ADGRL3: variants seen among roughly 807,000 people sequenced by gnomAD.
The protein encoded by ADGRL3 is calcium-independent alpha-latrotoxin receptor 3.
In ADGRL3, 62 loss-of-function variants were observed where a neutral mutation model predicts 153.5. That is an observed-to-expected ratio of 0.40 (90% confidence interval 0.33 to 0.50). The LOEUF is 0.50. ADGRL3 is among the 20% of genes least tolerant of loss of function. The pLI is 0.47. For missense variants in ADGRL3, 1,641 were observed against 1,859.4 expected (o/e 0.88, Z 2.16); for synonymous variants, 710 against 672.5 (o/e 1.06, Z -0.86).
intron 4 of ADGRL3, among the ~76,000 whole-genome samples, chr4:61,533,629 T>G (rs1560797007): frequency 1.3e-5 from 2 of 152,196 alleles, no homozygotes. Context: ...CATGCTTAAT[T>G]GTTTATTATG....
At chr4:61,448,846 AG>A (rs55963348) in intron 2 of ADGRL3, among the ~76,000 whole-genome samples, 7 of 9,386 alleles carry the variant, frequency 7.5e-4, no homozygotes, top group Non-Finnish European at 1.1e-3. Context: ...GAGGGAAGGA[AG>A]GGAAGGAAGG....
At chr4:61,912,791 G>T in intron 13 of ADGRL3, 34 bp downstream of exon 13, 1 of 1,594,988 alleles carries the variant, frequency 6.3e-7, no homozygotes, top group Non-Finnish European at 8.6e-7. Flanking sequence ...GTGTTAAGTT[G>T]TTGAATGTCT....
At chr4:61,509,245 A>G (rs907107673) in intron 3 of ADGRL3, among the ~76,000 whole-genome samples, 2 of 148,980 alleles carry the variant, frequency 1.3e-5, no homozygotes, top group African/African-American at 2.5e-5. Context: ...CTCCTGCCTC[A>G]GCCTCCTAAG....
At chr4:62,034,184 A>C (rs1007487240) in intron 23 of ADGRL3, among the ~76,000 whole-genome samples, 26 of 151,796 alleles carry the variant, frequency 1.7e-4, no homozygotes, top group African/African-American at 5.8e-4. Context: ...ACTGTGGCTC[A>C]TGAGCCAAAT....
chr4:61,701,728 C>T (rs72638548), intron 6 of ADGRL3, among the ~76,000 whole-genome samples: 21,036 of 151,870 alleles, frequency 0.14, 1,922 homozygotes, highest in Non-Finnish European at 0.2. Context: ...TGAGCCGCTG[C>T]GCAGAACCGA....
intron 1 of ADGRL3, among the ~76,000 whole-genome samples, chr4:61,288,191 C>G (rs1202955254): frequency 6.6e-6 from 1 of 151,920 alleles, no homozygotes; most frequent in African/African-American, 2.4e-5. Context: ...AATAACATCC[C>G]TTACTCTCTC....
chr4:61,453,803 A>G (rs571632882), intron 2 of ADGRL3, among the ~76,000 whole-genome samples: 16 of 152,122 alleles, frequency 1.1e-4, no homozygotes, highest in Non-Finnish European at 2.4e-4. Flanking sequence ...TTTAACCTCT[A>G]CTGTGACTGA....
At chr4:61,285,030 T>C (rs2150051612) in intron 1 of ADGRL3, among the ~76,000 whole-genome samples, 1 of 151,900 alleles carries the variant, frequency 6.6e-6, no homozygotes, top group Non-Finnish European at 1.5e-5. Flanking sequence ...ATTTGTGAGA[T>C]GGTTGGCCAC....
intron 1 of ADGRL3, among the ~76,000 whole-genome samples, chr4:61,206,624 A>G (rs991581118): frequency 3.9e-5 from 6 of 152,138 alleles, no homozygotes; most frequent in African/African-American, 1.4e-4. Flanking sequence ...TGTATTCTCA[A>G]GTTTTAGAAT....
intron 9 of ADGRL3, among the ~76,000 whole-genome samples, chr4:61,861,073 G>A (rs966118900): frequency 9.2e-5 from 14 of 152,218 alleles, no homozygotes; most frequent in African/African-American, 3.4e-4. Context: ...ACACAATTTT[G>A]AAATAGGATA....
intron 5 of ADGRL3, among the ~76,000 whole-genome samples, chr4:61,590,493 C>G (rs187600297): frequency 3.3e-4 from 50 of 152,140 alleles, no homozygotes; most frequent in African/African-American, 1.1e-3. Flanking sequence ...TCATGTTATT[C>G]TTAACTATTA....
chr4:61,897,481 A>G (rs1205800235), intron 11 of ADGRL3, among the ~76,000 whole-genome samples: 2 of 152,150 alleles, frequency 1.3e-5, no homozygotes, highest in Non-Finnish European at 2.9e-5. Context: ...AACCATGGAT[A>G]GCTTATGATT....
At chr4:61,321,878 A>G (rs2095363798) in intron 1 of ADGRL3, among the ~76,000 whole-genome samples, 1 of 152,110 alleles carries the variant, frequency 6.6e-6, no homozygotes, top group Admixed American at 6.6e-5. Context: ...AATAATATAA[A>G]TTGGTTAGGA....
intron 4 of ADGRL3, among the ~76,000 whole-genome samples, chr4:61,523,499 C>G (rs992691889): frequency 3.3e-5 from 5 of 152,150 alleles, no homozygotes; most frequent in African/African-American, 1.2e-4. Flanking sequence ...GACTTAGAGT[C>G]TAATTGATAT....
At chr4:61,359,677 T>G (rs1321623627) in intron 1 of ADGRL3, among the ~76,000 whole-genome samples, 1 of 152,210 alleles carries the variant, frequency 6.6e-6, no homozygotes, top group Non-Finnish European at 1.5e-5. Context: ...AAATTTTACA[T>G]GCACTTTTAT....
chr4:61,360,098 G>A (rs1460315993), intron 1 of ADGRL3, among the ~76,000 whole-genome samples: 1 of 152,060 alleles, frequency 6.6e-6, no homozygotes, highest in Non-Finnish European at 1.5e-5. Context: ...CAGAGTGAGG[G>A]TATTTCTTTC....
intron 9 of ADGRL3, among the ~76,000 whole-genome samples, chr4:61,820,604 A>G (rs969235880): frequency 2.6e-5 from 4 of 152,232 alleles, no homozygotes; most frequent in African/African-American, 9.6e-5. Flanking sequence ...TTTCATTATT[A>G]AAACAAGTTT....
chr4:61,820,278 C>T (rs916497678), intron 9 of ADGRL3, among the ~76,000 whole-genome samples: 5 of 152,112 alleles, frequency 3.3e-5, no homozygotes, highest in East Asian at 1.9e-4. Flanking sequence ...CTAATGTGTT[C>T]GTACATAGCA....
In ADGRL3 at chr4:61,819,910, T is replaced by C. The variant is rs951922652; in HGVS notation, c.1480+6021T>C. On this transcript the variant is annotated intron_variant, in intron 9 of 26. Coordinates refer to ENST00000683033, the MANE Select transcript of ADGRL3 (RefSeq NM_001387552.1). ...CTCTATTTTGAAAATTATATACATA[T>C]ATAAAATCACATTCTAACCCCCTTC... Among the ~76,000 whole-genome samples, 35 of 152,130 alleles carry C rather than the reference T, an allele frequency of 2.3e-4. 1 individual carries two copies. Among genetic ancestry groups the C allele is most frequent in the Non-Finnish European group, 7.4e-5 (5 of 67,990 alleles).
Sources: gnomAD v4.1 joint callset for allele counts (sites outside exome capture counted in the v4.1 genomes callset) on GRCh38, gnomAD v4.1.1 for gene constraint, MANE v1.5 for transcripts, NCBI Gene and HGNC (gene_info 2026-07-23, HGNC 2026-07-21) for gene names.